Variants in DHX57 observed in about 807,000 individuals in gnomAD.
DHX57 encodes the protein DExH-box helicase 57.
DHX57 carries 105 observed loss-of-function variants against 156.2 expected under a neutral mutation model. The observed-to-expected ratio is 0.67, with a 90% CI of 0.57 to 0.79. DHX57 has a LOEUF of 0.79. Ranked by LOEUF, DHX57 falls within the 30% of genes least tolerant of loss-of-function variation. The pLI is 0.00. For synonymous variants in DHX57, 704 were observed against 595.6 expected, an observed-to-expected ratio of 1.18 and a Z score of -2.65; for missense variants, 1,847 against 1,661.9, an observed-to-expected ratio of 1.11 and a Z score of -1.94.
chr2:38,806,727 A>C, intron 21 of DHX57, 34 bp from the exon 22 acceptor site: 1 of 1,589,096 alleles, frequency 6.3e-7, no homozygotes, highest in South Asian at 1.1e-5. Flanking sequence ...ATAGACATAT[A>C]ATATATATAT....
intron 17 of DHX57, among the ~76,000 whole-genome samples, chr2:38,822,184 G>C (rs1670856327): frequency 6.6e-6 from 1 of 152,072 alleles, no homozygotes; most frequent in South Asian, 2.1e-4. Flanking sequence ...CCAGGTTCAA[G>C]TGATTCTCCT....
chr2:38,829,050 T>C (rs980967010), intron 13 of DHX57, among the ~76,000 whole-genome samples: 14 of 151,836 alleles, frequency 9.2e-5, no homozygotes, highest in Non-Finnish European at 1.8e-4. Context: ...CAGGTGATTT[T>C]CCTACCTTAG....
chr2:38,826,075 A>G, intron 15 of DHX57, 28 bp from the exon 16 acceptor site: 3 of 1,602,428 alleles, frequency 1.9e-6, no homozygotes, highest in Non-Finnish European at 2.6e-6. Flanking sequence ...ATATAAATTG[A>G]GTCATTTTAT....
chr2:38,813,932 T>C, intron 20 of DHX57, 37 bp from the exon 21 acceptor site: 1 of 1,606,106 alleles, frequency 6.2e-7, no homozygotes, highest in Non-Finnish European at 8.5e-7. Context: ...ACAAGTGATA[T>C]GGCTATTTCT....
At chr2:38,811,296 A>T in intron 21 of DHX57, 1 of 524,302 alleles carries the variant, frequency 1.9e-6, no homozygotes, top group Non-Finnish European at 3.8e-6. Flanking sequence ...AGCTCAAACC[A>T]GACCTGATCG....
chr2:38,816,525 G>T (rs1002989529), intron 19 of DHX57, among the ~76,000 whole-genome samples: 3 of 152,144 alleles, frequency 2.0e-5, no homozygotes, highest in African/African-American at 7.2e-5. Context: ...CATGGTTTAA[G>T]ATTGAGATGC....
At chr2:38,810,669 G>A (rs1670197427) in intron 21 of DHX57, 2 of 687,154 alleles carry the variant, frequency 2.9e-6, no homozygotes, top group East Asian at 6.1e-5. Flanking sequence ...TGGCAATGCA[G>A]TGGTGGGCAA....
intron 20 of DHX57, among the ~76,000 whole-genome samples, chr2:38,814,731 T>TG (rs1350822648): frequency 6.6e-6 from 1 of 151,810 alleles, no homozygotes; most frequent in Non-Finnish European, 1.5e-5. Flanking sequence ...AAACCCTGTT[T>TG]TTTTTTTTGA....
chr2:38,798,369 A>G lies in DHX57; in HGVS notation c.4091T>C (p.Ile1364Thr), dbSNP rs188665211. Residue 1364 changes from isoleucine (I) to threonine (T), a missense_variant, in exon 24 of 24, where the codon ATT becomes ACT. Coordinates refer to ENST00000457308, the MANE Select transcript of DHX57 (RefSeq NM_198963.3). ...LLQDKIKNPS[I>T]DLCTCPRGSR... is the part of the protein sequence containing the mutation. The stretch of plus-strand genomic sequence containing the variant: ...TCCTCGAGGACACGTACACAGATCA[A>G]TGCTTGGGTTTTTAATTTTATCCTG... 474 of 1,614,122 alleles carry G rather than the reference A, an allele frequency of 2.9e-4. No individual in the cohort carries two copies. Among genetic ancestry groups the G allele is most frequent in the South Asian group, 2.1e-4 (19 of 91,066 alleles).
At position 38,855,356 on chromosome 2, in the gene DHX57, A is replaced by G. The variant is rs949311181; in HGVS notation, c.1710-104T>C. ...AAAAGTGATAAAGCTAATTAGAATA[A>G]AAGTTGTTCAGTTTCAGGTATTTTC... On this transcript the variant is annotated intron_variant, in intron 7 of 23. Coordinates refer to ENST00000457308, the MANE Select transcript of DHX57 (RefSeq NM_198963.3). 2.1e-5 allele frequency: 27 copies of G among 1,263,650 alleles called. No individual in the cohort carries two copies. The East Asian group carries it at 3.6e-4, about 17-fold the overall frequency. 78.3% of individuals were successfully genotyped at this position (1,263,650 alleles called of 1,614,324 possible). A position where few individuals can be genotyped will look rare whatever the true frequency, so the allele number is the denominator to read the frequency against.
intron 23 of DHX57, among the ~76,000 whole-genome samples, chr2:38,802,164 A>G (rs989330945): frequency 4.6e-5 from 7 of 151,974 alleles, no homozygotes; most frequent in South Asian, 2.1e-4. Context: ...AGCCTTTTAT[A>G]CTAACCTCAG....
At chr2:38,804,845 C>T (rs1669866945) in intron 22 of DHX57, among the ~76,000 whole-genome samples, 1 of 152,182 alleles carries the variant, frequency 6.6e-6, no homozygotes, top group African/African-American at 2.4e-5. Context: ...CGGAGTTCTT[C>T]CCTGACCACC....
At chr2:38,831,722 T>C (rs529283025) in intron 13 of DHX57, among the ~76,000 whole-genome samples, 1 of 151,550 alleles carries the variant, frequency 6.6e-6, no homozygotes, top group African/African-American at 2.4e-5. Flanking sequence ...CCGGGCATGG[T>C]GGCGTGCACC....
intron 13 of DHX57, among the ~76,000 whole-genome samples, chr2:38,829,221 G>A (rs1041789884): frequency 2.0e-5 from 3 of 151,604 alleles, no homozygotes; most frequent in Admixed American, 6.6e-5. Context: ...GGGATTACAG[G>A]CATGAGCCAC....
chr2:38,864,502 TAAAGTCATCCTTTATCTTA>T (rs1345828634), intron 2 of DHX57, among the ~76,000 whole-genome samples: 1 of 152,216 alleles, frequency 6.6e-6, no homozygotes, highest in Non-Finnish European at 1.5e-5. Flanking sequence ...GCTCCTATCT[TAAAGTCATCCTTTATCTTA>T]AAGTCAGCCT....
chr2:38,867,335 A>G (rs1167659457), intron 2 of DHX57: 1 of 152,254 alleles, frequency 6.6e-6, no homozygotes, highest in Non-Finnish European at 1.5e-5. Flanking sequence ...GTTATACTGT[A>G]TAACATGCAA....
chr2:38,798,585 A>C, intron 23 of DHX57, 143 bp from the exon 24 acceptor site: 1 of 924,920 alleles, frequency 1.1e-6, no homozygotes, highest in South Asian at 2.0e-5. Flanking sequence ...CCCTAAATAC[A>C]TTTTCATTTT....
Position 38,856,237 on chromosome 2 carries a change from A to G in DHX57, c.1709+103T>C, listed in dbSNP as rs1037658499. 24 of 1,483,476 alleles carry G rather than the reference A, an allele frequency of 1.6e-5. 1 individual carries two copies. The highest frequency in any genetic ancestry group is 4.2e-5 in the South Asian group (3 of 71,960). The allele number at this position is 1,483,476 out of a possible 1,614,324, so 91.9% of individuals were successfully genotyped here. A position where few individuals can be genotyped will look rare whatever the true frequency, so the allele number is the denominator to read the frequency against. ...CTCAAGGCAGATGTATATAATATCT[A>G]TAAATCCAGCTACAGTTTTTAACAA... On this transcript the variant is annotated intron_variant, in intron 7 of 23. Transcript: ENST00000457308.
At chr2:38,850,460 CTAT>C (rs1171273200) in intron 9 of DHX57, among the ~76,000 whole-genome samples, 1 of 151,814 alleles carries the variant, frequency 6.6e-6, no homozygotes, top group East Asian at 1.9e-4. Context: ...TGGTGTCTCC[CTAT>C]ATTGCCCAGG....
Sources: gnomAD v4.1 joint callset for allele counts (sites outside exome capture counted in the v4.1 genomes callset) on GRCh38, gnomAD v4.1.1 for gene constraint, MANE v1.5 for transcripts, NCBI Gene and HGNC (gene_info 2026-07-23, HGNC 2026-07-21) for gene names.